Variants in TRIM62 observed in about 807,000 individuals in gnomAD.
TRIM62 encodes the protein E3 ubiquitin-protein ligase TRIM62.
TRIM62 carries 39 observed loss-of-function variants against 44.2 expected under a neutral mutation model. The ratio of observed to expected loss-of-function variants is 0.88; its 90% CI spans 0.68 to 1.15. The LOEUF is 1.15. Among genes scored for constraint, TRIM62 ranks in the 50% most tolerant of loss-of-function variants. The probability of loss-of-function intolerance (pLI) is 0.00; values close to 1 mark genes in which losing one functional copy is unlikely to be tolerated. For missense variants in TRIM62, 544 were observed against 665.5 expected (o/e 0.82, Z 2.01); for synonymous variants, 278 against 292.3 (o/e 0.95, Z 0.50).
intron 1 of TRIM62, 72 bp downstream of exon 1, chr1:33,180,953 T>TGGGG: frequency 2.8e-6 from 2 of 724,324 alleles, no homozygotes; most frequent in Non-Finnish European, 3.9e-6. Context: ...GGTCCAGCCC[T>TGGGG]GACCCCACCC....
intron 1 of TRIM62, among the ~76,000 whole-genome samples, chr1:33,178,321 A>G (rs1380792148): frequency 6.6e-6 from 1 of 152,202 alleles, no homozygotes; most frequent in African/African-American, 2.4e-5. Context: ...ATAGCTAATA[A>G]GCCTTGCCTT....
chr1:33,169,110 T>G (rs947987995), intron 1 of TRIM62, among the ~76,000 whole-genome samples: 1 of 152,102 alleles, frequency 6.6e-6, no homozygotes, highest in Admixed American at 6.5e-5. Context: ...TGGGGAGAGA[T>G]GAGGTGTGAG....
At chr1:33,175,893 T>C (rs1645415132) in intron 1 of TRIM62, among the ~76,000 whole-genome samples, 2 of 152,190 alleles carry the variant, frequency 1.3e-5, no homozygotes, top group Non-Finnish European at 2.9e-5. Flanking sequence ...TGTTAGTCCC[T>C]ACCAGGTCTT....
At position 33,181,716 on chromosome 1, in the gene TRIM62, C is replaced by T; in HGVS notation, c.-284G>A. 1 of 439,730 alleles carries T rather than the reference C, an allele frequency of 2.3e-6. No homozygotes were observed. The highest frequency in any genetic ancestry group is 4.0e-6 in the Non-Finnish European group (1 of 248,238). The allele number at this position is 439,730 out of a possible 1,614,324, so 27.2% of individuals were successfully genotyped here. A position where few individuals can be genotyped will look rare whatever the true frequency, so the allele number is the denominator to read the frequency against. The stretch of plus-strand genomic sequence containing the variant: ...GAGGAGGCTGTGAGCGGCTGAGGGA[C>T]GGAGATCCTGACGGGGAGGTTCTAG... On this transcript the variant is annotated 5_prime_UTR_variant, in exon 1 of 5. Transcript: ENST00000291416. This position sits in a 1 kb window ranked among gnomAD's most constrained non-coding sequence, Gnocchi z 6.5.
rs970459319 is a variant in TRIM62 at position 33,159,528 on chromosome 1, C to T, written c.761+160G>A. Among the ~76,000 whole-genome samples the T allele has an allele frequency of 5.9e-5, 9 of 152,174 alleles. No individual in the cohort carries two copies. Among genetic ancestry groups the T allele is most frequent in the Non-Finnish European group, 1.3e-4 (9 of 68,038 alleles). Reference sequence around the variant, plus strand: ...AGCCTCACTGGCTTCATACTCAAGGCTTCATGCTCCTACCCATAGCAGATG... The same window carrying T: ...AGCCTCACTGGCTTCATACTCAAGGTTTCATGCTCCTACCCATAGCAGATG... On this transcript the variant is annotated intron_variant, in intron 3 of 4. Transcript: ENST00000291416. This position sits in a 1 kb window ranked among gnomAD's most constrained non-coding sequence, Gnocchi z 4.2.
Position 33,161,234 on chromosome 1 carries a change from G to A in TRIM62, c.505-1290C>T, listed in dbSNP as rs549741786. On this transcript the variant is annotated intron_variant, in intron 2 of 4. Transcript: ENST00000291416. The surrounding 1 kb of genome is among the most constrained non-coding windows in gnomAD (Gnocchi z 4.3). ...CCCGGAAGTCTTCATTGAGAGACGG[G>A]TTCTGAGCCGGGGCCTGAGGGATGG... Among the ~76,000 whole-genome samples the A allele has an allele frequency of 5.3e-5, 8 of 152,354 alleles. No individual in the cohort carries two copies. The highest frequency in any genetic ancestry group is 1.9e-4 in the African/African-American group (8 of 41,578).
chr1:33,177,048 C>CAG lies in TRIM62; in HGVS notation c.408+3976_408+3977insCT, dbSNP rs1645425273. Among the ~76,000 whole-genome samples, 2 of 58,472 alleles carry CAG rather than the reference C, an allele frequency of 3.4e-5. No homozygotes were observed. The highest frequency in any genetic ancestry group is 9.0e-4 in the South Asian group (2 of 2,218). 38.4% of individuals were successfully genotyped at this position (58,472 alleles called of 152,430 possible). A position where few individuals can be genotyped will look rare whatever the true frequency, so the allele number is the denominator to read the frequency against. The stretch of plus-strand genomic sequence containing the variant: ...CAACACACATACACATGCACACACA[C>CAG]ACGCACACACACACACATGCACACA... On this transcript the variant is annotated intron_variant, in intron 1 of 4. Transcript: ENST00000291416. This position sits in a 1 kb window ranked among gnomAD's most constrained non-coding sequence, Gnocchi z 4.1.
chr1:33,158,829 GTTTTTTTCT>G (rs1401726881), intron 3 of TRIM62, among the ~76,000 whole-genome samples: 10 of 151,554 alleles, frequency 6.6e-5, no homozygotes, highest in Admixed American at 2.0e-4. Context: ...CAGAGCCTCA[GTTTTTTTCT>G]TTTTTTTCTT....
intron 2 of TRIM62, among the ~76,000 whole-genome samples, chr1:33,160,749 G>A (rs1645255372): frequency 6.6e-6 from 1 of 152,090 alleles, no homozygotes; most frequent in East Asian, 1.9e-4. Context: ...TCATTCAGGG[G>A]GCTCAAGGAA....
rs895315934 is a variant in TRIM62 at position 33,161,140 on chromosome 1, T to G, written c.505-1196A>C. 6.6e-6 allele frequency among the ~76,000 whole-genome samples: 1 copy of G among 152,162 alleles called. No homozygotes were observed. The highest frequency in any genetic ancestry group is 1.5e-5 in the Non-Finnish European group (1 of 68,016). On this transcript the variant is annotated intron_variant, in intron 2 of 4. Coordinates refer to ENST00000291416, the MANE Select transcript of TRIM62 (RefSeq NM_018207.3). The surrounding 1 kb of genome is among the most constrained non-coding windows in gnomAD (Gnocchi z 4.3). ...GTGGTGAAGATGAAATGAGGGGGTG[T>G]TGTTGTGCGCACTCCAAGGCGCAGA... is the stretch of plus-strand genomic sequence containing the variant.
chr1:33,173,986 T>C (rs1395960759), intron 1 of TRIM62, among the ~76,000 whole-genome samples: 3 of 151,888 alleles, frequency 2.0e-5, no homozygotes, highest in African/African-American at 7.3e-5. Context: ...ATTAGAAGCA[T>C]AAGCCACTGT....
chr1:33,146,821 C>T lies in TRIM62; in HGVS notation c.*356G>A, dbSNP rs1645026694. On this transcript the variant is annotated 3_prime_UTR_variant, in exon 5 of 5. Coordinates refer to ENST00000291416, the MANE Select transcript of TRIM62 (RefSeq NM_018207.3). ...CGGGCTGCCAACTACTGGCCATGCT[C>T]TGACACTTCCTGAGGTCAGGGCTGG... is the stretch of plus-strand genomic sequence containing the variant. 3.1e-6 allele frequency: 1 copy of T among 318,890 alleles called. No homozygotes were observed. Among genetic ancestry groups the T allele is most frequent in the East Asian group, 7.0e-5 (1 of 14,370 alleles). The allele number at this position is 318,890 out of a possible 1,614,324, so 19.8% of individuals were successfully genotyped here. A position where few individuals can be genotyped will look rare whatever the true frequency, so the allele number is the denominator to read the frequency against.
At chr1:33,168,242 C>G (rs956939255) in intron 1 of TRIM62, among the ~76,000 whole-genome samples, 4 of 152,098 alleles carry the variant, frequency 2.6e-5, no homozygotes, top group Non-Finnish European at 5.9e-5. Flanking sequence ...CCATCTCAGG[C>G]CATGAGGCAA....
At position 33,178,215 on chromosome 1, in the gene TRIM62, T is replaced by C. The variant is rs75228049; in HGVS notation, c.408+2810A>G. On this transcript the variant is annotated intron_variant, in intron 1 of 4. Coordinates refer to ENST00000291416, the MANE Select transcript of TRIM62 (RefSeq NM_018207.3). ...TGTGGCACCAGATCATCTGCATGGCTCTGAGTCTGTAATTCTGCAGAAGGG... is the reference window on the plus strand; with the variant it reads ...TGTGGCACCAGATCATCTGCATGGCCCTGAGTCTGTAATTCTGCAGAAGGG... Among the ~76,000 whole-genome samples the C allele has an allele frequency of 3.2e-3, 485 of 152,250 alleles. 19 individuals carry two copies. In the East Asian group the frequency reaches 0.083, roughly 26 times the overall value.
intron 1 of TRIM62, chr1:33,176,530 C>T (rs1402362121): frequency 1.5e-6 from 1 of 647,924 alleles, no homozygotes; most frequent in Non-Finnish European, 2.9e-6. Flanking sequence ...GATCCCCTCT[C>T]TGGGGGTTAG....
rs936470470 is a variant in TRIM62, at chr1:33,163,025, G to T, written c.504+2446C>A. 1.5e-4 allele frequency: 23 copies of T among 151,854 alleles called. 1 individual carries two copies. The highest frequency in any genetic ancestry group is 5.6e-4 in the African/African-American group (23 of 41,420). The allele number at this position is 151,854 out of a possible 1,614,324, so 9.4% of individuals were successfully genotyped here. A position where few individuals can be genotyped will look rare whatever the true frequency, so the allele number is the denominator to read the frequency against. On this transcript the variant is annotated intron_variant, in intron 2 of 4. Coordinates refer to ENST00000291416, the MANE Select transcript of TRIM62 (RefSeq NM_018207.3). ...GATTTTTTTTCTTTCCTGTTTTTTT[G>T]GTTTTTGTTTTTGTTGTTTTTTATT...
Position 33,165,453 on chromosome 1 carries a change from C to T in TRIM62, c.504+18G>A, listed in dbSNP as rs1195907259. 1.3e-6 allele frequency: 2 copies of T among 1,571,610 alleles called. No individual in the cohort carries two copies. Among genetic ancestry groups the T allele is most frequent in the Non-Finnish European group, 1.7e-6 (2 of 1,157,646 alleles). ...CTCATCTCTGCCGGCCCCACCTCCGCGCCCCGGCCAGGCTCACCTTGGTCT... is the reference window on the plus strand; with the variant it reads ...CTCATCTCTGCCGGCCCCACCTCCGTGCCCCGGCCAGGCTCACCTTGGTCT... On this transcript the variant is annotated intron_variant, in intron 2 of 4. Transcript: ENST00000291416. The surrounding 1 kb of genome is among the most constrained non-coding windows in gnomAD (Gnocchi z 4.0).
In TRIM62 at chr1:33,181,611, T is replaced by C; in HGVS notation, c.-179A>G. On this transcript the variant is annotated 5_prime_UTR_variant, in exon 1 of 5. Coordinates refer to ENST00000291416, the MANE Select transcript of TRIM62 (RefSeq NM_018207.3). This position sits in a 1 kb window ranked among gnomAD's most constrained non-coding sequence, Gnocchi z 6.5. ...GAAGGAGGGTAACGCGAGGAAGGGG[T>C]GCGCGGCTGAGACTCCGTGGGACGC... The C allele has an allele frequency of 8.2e-7, 1 of 1,214,532 alleles. No individual in the cohort carries two copies. The highest frequency in any genetic ancestry group is 1.6e-5 in the African/African-American group (1 of 61,778). The allele number at this position is 1,214,532 out of a possible 1,614,324, so 75.2% of individuals were successfully genotyped here. A position where few individuals can be genotyped will look rare whatever the true frequency, so the allele number is the denominator to read the frequency against.
chr1:33,173,231 A>G (rs769806841), intron 1 of TRIM62, among the ~76,000 whole-genome samples: 46 of 152,256 alleles, frequency 3.0e-4, no homozygotes, highest in Non-Finnish European at 5.0e-4. Context: ...CTCTGGCAAC[A>G]TCTGGCCAGT....
Sources: gnomAD v4.1 joint callset for allele counts (sites outside exome capture counted in the v4.1 genomes callset) on GRCh38, gnomAD v4.1.1 for gene constraint, Gnocchi (gnomAD v3.1) non-coding constraint, MANE v1.5 for transcripts, NCBI Gene and HGNC (gene_info 2026-07-23, HGNC 2026-07-21) for gene names.